Variants in CCSER1 observed in about 807,000 individuals in gnomAD.
CCSER1 encodes the protein serine-rich coiled-coil domain-containing protein 1.
CCSER1 carries 41 observed loss-of-function variants against 82.0 expected under a neutral mutation model. That is an observed-to-expected ratio of 0.50 (90% CI 0.39 to 0.65). The LOEUF (loss-of-function observed/expected upper bound fraction) is 0.65. CCSER1 is among the 30% of genes least tolerant of loss of function. The pLI, the probability that CCSER1 is intolerant of heterozygous loss-of-function variation, is 0.00. For synonymous variants in CCSER1, 414 were observed against 383.9 expected, an observed-to-expected ratio of 1.08 and a Z score of -0.92; for missense variants, 1,119 against 1,064.2, an observed-to-expected ratio of 1.05 and a Z score of -0.72.
intron 3 of CCSER1, among the ~76,000 whole-genome samples, chr4:90,340,594 T>C (rs984387070): frequency 2.0e-5 from 3 of 152,184 alleles, no homozygotes; most frequent in Admixed American, 1.3e-4. Flanking sequence ...TTGAATCATC[T>C]ATGGAGCATA....
At chr4:90,449,798 G>C (rs1761188266) in intron 4 of CCSER1, among the ~76,000 whole-genome samples, 1 of 152,248 alleles carries the variant, frequency 6.6e-6, no homozygotes, top group South Asian at 2.1e-4. Flanking sequence ...GAGCAGAGAG[G>C]CTTCCCAGAG....
chr4:91,398,702 C>T (rs1356078275), intron 10 of CCSER1, among the ~76,000 whole-genome samples: 4 of 151,692 alleles, frequency 2.6e-5, no homozygotes, highest in Admixed American at 2.0e-4. Flanking sequence ...AAACGAAGTT[C>T]TGGTCTCTAA....
At chr4:90,269,702 T>TTGAAA (rs199637250) in intron 1 of CCSER1, among the ~76,000 whole-genome samples, 13,843 of 151,046 alleles carry the variant, frequency 0.092, 1,356 homozygotes, top group East Asian at 0.25. Flanking sequence ...ATAAATGAAA[T>TTGAAA]TGAAGAAAAC....
intron 1 of CCSER1, among the ~76,000 whole-genome samples, chr4:90,224,071 T>G (rs929705939): frequency 5.9e-5 from 9 of 152,210 alleles, no homozygotes; most frequent in African/African-American, 2.2e-4. Context: ...AGTCAATATT[T>G]TCTTCATGTG....
chr4:90,585,535 AT>A (rs1490471735), intron 5 of CCSER1, among the ~76,000 whole-genome samples: 10 of 152,232 alleles, frequency 6.6e-5, no homozygotes, highest in African/African-American at 1.9e-4. Context: ...TCTTATTCTT[AT>A]AAACCTAGCT....
At chr4:91,465,580 G>T (rs1756842705) in intron 10 of CCSER1, among the ~76,000 whole-genome samples, 1 of 152,192 alleles carries the variant, frequency 6.6e-6, no homozygotes, top group South Asian at 2.1e-4. Context: ...TTTTTGAAAA[G>T]ATCAACAAAA....
chr4:91,215,488 G>A (rs923677347), intron 10 of CCSER1, among the ~76,000 whole-genome samples: 17 of 152,180 alleles, frequency 1.1e-4, no homozygotes, highest in African/African-American at 4.1e-4. Flanking sequence ...AAGATAGCCA[G>A]TCTGAGTCCC....
intron 10 of CCSER1, among the ~76,000 whole-genome samples, chr4:91,155,809 GAT>G (rs1212525777): frequency 2.0e-5 from 3 of 151,792 alleles, no homozygotes; most frequent in Non-Finnish European, 2.9e-5. Flanking sequence ...ATGTAACATC[GAT>G]ATATACAGTT....
At chr4:91,230,824 A>C (rs1738570908) in intron 10 of CCSER1, among the ~76,000 whole-genome samples, 1 of 151,972 alleles carries the variant, frequency 6.6e-6, no homozygotes, top group South Asian at 2.1e-4. Context: ...TATACAAAAT[A>C]ATGATCAAAT....
intron 5 of CCSER1, among the ~76,000 whole-genome samples, chr4:90,610,300 T>TAAATAAATAAAA (rs1389227357): frequency 7.7e-6 from 1 of 130,216 alleles, no homozygotes; most frequent in African/African-American, 2.9e-5. Context: ...AATAAATAAA[T>TAAATAAATAAAA]AAAATGTGAT....
At chr4:90,188,814 A>G (rs1053382429) in intron 1 of CCSER1, among the ~76,000 whole-genome samples, 3 of 151,962 alleles carry the variant, frequency 2.0e-5, no homozygotes, top group East Asian at 1.9e-4. Flanking sequence ...CTGGATTAGT[A>G]TATTTCATAT....
intron 9 of CCSER1, among the ~76,000 whole-genome samples, chr4:91,015,818 T>C (rs1240892285): frequency 6.6e-6 from 1 of 152,020 alleles, no homozygotes; most frequent in Admixed American, 6.6e-5. Context: ...AAGATTCATA[T>C]TCAGTTCTTG....
chr4:91,000,031 A>G (rs1242981910), intron 9 of CCSER1, among the ~76,000 whole-genome samples: 1 of 151,900 alleles, frequency 6.6e-6, no homozygotes, highest in Non-Finnish European at 1.5e-5. Context: ...AGCACCATTT[A>G]TTGAATACGG....
At chr4:90,458,270 A>G (rs1318678518) in intron 4 of CCSER1, among the ~76,000 whole-genome samples, 1 of 150,720 alleles carries the variant, frequency 6.6e-6, no homozygotes. Flanking sequence ...CCCCAGCTAC[A>G]CCTCCCACAC....
chr4:90,503,096 A>G (rs1216729048), intron 5 of CCSER1, among the ~76,000 whole-genome samples: 2 of 152,208 alleles, frequency 1.3e-5, no homozygotes, highest in African/African-American at 4.8e-5. Context: ...GTGTCAAACC[A>G]GAAAAAACTG....
At chr4:91,307,302 C>G (rs1745138103) in intron 10 of CCSER1, among the ~76,000 whole-genome samples, 1 of 151,870 alleles carries the variant, frequency 6.6e-6, no homozygotes, top group South Asian at 2.1e-4. Context: ...ATATAACTGT[C>G]TTTGTAATCC....
At chr4:91,150,683 T>G (rs1730084510) in intron 10 of CCSER1, among the ~76,000 whole-genome samples, 1 of 152,222 alleles carries the variant, frequency 6.6e-6, no homozygotes. Context: ...TTGAGAGTTT[T>G]TAGCATGAAG....
intron 8 of CCSER1, among the ~76,000 whole-genome samples, chr4:90,829,832 T>G (rs901240832): frequency 2.6e-5 from 4 of 152,222 alleles, no homozygotes; most frequent in Non-Finnish European, 4.4e-5. Context: ...TTCCTGCATA[T>G]GCAGTGCTTT....
intron 5 of CCSER1, among the ~76,000 whole-genome samples, chr4:90,584,173 A>G (rs76220946): frequency 0.064 from 9,787 of 152,164 alleles, 1,000 homozygotes; most frequent in African/African-American, 0.22. Context: ...TGTTTAATTA[A>G]TGTCTCAAAT....
Sources: gnomAD v4.1 joint callset for allele counts (sites outside exome capture counted in the v4.1 genomes callset) on GRCh38, gnomAD v4.1.1 for gene constraint, MANE v1.5 for transcripts, NCBI Gene and HGNC (gene_info 2026-07-23, HGNC 2026-07-21) for gene names.